Variants in CEP128 observed in about 807,000 individuals in gnomAD.
CEP128 encodes the protein centrosomal protein 128kDa.
A neutral mutation model predicts 156.7 loss-of-function variants in CEP128; 132 were observed. The ratio of observed to expected loss-of-function variants is 0.84; its 90% CI spans 0.73 to 0.97. The LOEUF (loss-of-function observed/expected upper bound fraction) is 0.97, where lower values mean the gene tolerates loss of function less well. CEP128 is among the 50% of genes least tolerant of loss of function. CEP128 has a pLI of 0.00. For missense variants in CEP128, 1,252 were observed against 1,281.9 expected (o/e 0.98, Z 0.36); for synonymous variants, 469 against 448.9 (o/e 1.04, Z -0.57).
intron 1 of CEP128, among the ~76,000 whole-genome samples, chr14:80,941,046 T>A (rs1030108941): frequency 6.6e-6 from 1 of 152,166 alleles, no homozygotes; most frequent in Admixed American, 6.5e-5. Flanking sequence ...ATGTCAGGTA[T>A]TTTTACGAAA....
intron 8 of CEP128, among the ~76,000 whole-genome samples, chr14:80,893,375 A>T (rs1889193779): frequency 2.0e-5 from 3 of 151,816 alleles, no homozygotes; most frequent in Admixed American, 1.3e-4. Context: ...GAGGATACAA[A>T]GTAGCTGATA....
At chr14:80,921,658 G>A (rs1884869022) in intron 2 of CEP128, among the ~76,000 whole-genome samples, 1 of 152,136 alleles carries the variant, frequency 6.6e-6, no homozygotes, top group African/African-American at 2.4e-5. Flanking sequence ...GGTTATAGCT[G>A]ATTTGTTTTT....
intron 19 of CEP128, among the ~76,000 whole-genome samples, chr14:80,647,237 C>T (rs1894702864): frequency 6.6e-6 from 1 of 151,174 alleles, no homozygotes; most frequent in Non-Finnish European, 1.5e-5. Flanking sequence ...TAAAAAATTC[C>T]TGTGCCTAAG....
chr14:80,848,556 G>A (rs914257870), intron 9 of CEP128, among the ~76,000 whole-genome samples: 5 of 152,016 alleles, frequency 3.3e-5, no homozygotes. Flanking sequence ...AACTATTCAG[G>A]AGGCTGAGGC....
At chr14:80,811,019 A>G (rs147331097) in intron 13 of CEP128, among the ~76,000 whole-genome samples, 336 of 152,208 alleles carry the variant, frequency 2.2e-3, no homozygotes, top group Non-Finnish European at 3.9e-3. Context: ...GTTCCCAATC[A>G]TAAGTGAGAA....
At chr14:80,785,664 A>G in intron 14 of CEP128, 119 bp from the exon 15 acceptor site, 1 of 722,992 alleles carries the variant, frequency 1.4e-6, no homozygotes, top group South Asian at 2.4e-5. Flanking sequence ...AATTCATCAA[A>G]TAATTTTTGT....
intron 8 of CEP128, among the ~76,000 whole-genome samples, chr14:80,870,999 G>A (rs897143880): frequency 2.8e-4 from 42 of 150,182 alleles, no homozygotes; most frequent in African/African-American, 9.3e-4. Flanking sequence ...CAAAAAATAC[G>A]AAGAAATAAA....
intron 2 of CEP128, among the ~76,000 whole-genome samples, chr14:80,932,658 A>G (rs925437623): frequency 6.6e-6 from 1 of 152,036 alleles, no homozygotes; most frequent in Non-Finnish European, 1.5e-5. Context: ...TAGTTGCAGG[A>G]AAAAAAAGCT....
intron 19 of CEP128, among the ~76,000 whole-genome samples, chr14:80,671,769 G>C (rs1274418950): frequency 6.6e-6 from 1 of 151,550 alleles, no homozygotes; most frequent in Non-Finnish European, 1.5e-5. Flanking sequence ...TGATTACAGA[G>C]GATGTTGCTT....
intron 19 of CEP128, among the ~76,000 whole-genome samples, chr14:80,615,215 A>C (rs2140615185): frequency 6.6e-6 from 1 of 152,336 alleles, no homozygotes; most frequent in Admixed American, 6.5e-5. Context: ...AACAGTATAG[A>C]AATGAAATTT....
intron 21 of CEP128, among the ~76,000 whole-genome samples, chr14:80,555,852 A>C (rs1354382685): frequency 6.6e-6 from 1 of 152,110 alleles, no homozygotes; most frequent in African/African-American, 2.4e-5. Context: ...TCTTTTCTTC[A>C]AAATAGCTTC....
intron 19 of CEP128, among the ~76,000 whole-genome samples, chr14:80,642,642 GTGAGACT>G (rs1172402178): frequency 3.9e-5 from 6 of 152,106 alleles, no homozygotes; most frequent in Admixed American, 3.9e-4. Context: ...TGGGCAACAG[GTGAGACT>G]CCATCTCTAA....
intron 20 of CEP128, among the ~76,000 whole-genome samples, chr14:80,564,410 G>A (rs1035937862): frequency 6.6e-6 from 1 of 152,186 alleles, no homozygotes; most frequent in African/African-American, 2.4e-5. Flanking sequence ...GAAGCCATAT[G>A]ATATAGGATT....
At chr14:80,796,946 G>A (rs963630489) in intron 13 of CEP128, among the ~76,000 whole-genome samples, 2 of 152,172 alleles carry the variant, frequency 1.3e-5, no homozygotes, top group African/African-American at 4.8e-5. Flanking sequence ...TGATGAGGGA[G>A]GATGGAAATG....
chr14:80,486,455 ATC>A (rs1184707037), downstream of CEP128, among the ~76,000 whole-genome samples: 2 of 152,036 alleles, frequency 1.3e-5, no homozygotes, highest in Non-Finnish European at 2.9e-5. Flanking sequence ...GCAGGATATT[ATC>A]CAGGAGAACT....
intron 19 of CEP128, among the ~76,000 whole-genome samples, chr14:80,612,868 A>G (rs548732019): frequency 1.9e-4 from 29 of 152,004 alleles, no homozygotes; most frequent in Non-Finnish European, 3.7e-4. Flanking sequence ...TGTTTTTTTC[A>G]TCTCGCTCTG....
At chr14:80,684,907 T>TA (rs1315859609) in intron 19 of CEP128, among the ~76,000 whole-genome samples, 24 of 152,086 alleles carry the variant, frequency 1.6e-4, no homozygotes, top group Admixed American at 2.6e-4. Context: ...CGCTTCATGA[T>TA]AAAAAACCCT....
intron 8 of CEP128, among the ~76,000 whole-genome samples, chr14:80,883,641 A>G (rs1219790245): frequency 6.6e-6 from 1 of 152,220 alleles, no homozygotes; most frequent in Non-Finnish European, 1.5e-5. Flanking sequence ...TAGAAGAATC[A>G]ATATTGTTAA....
chr14:80,672,401 A>G (rs1895880429), intron 19 of CEP128, among the ~76,000 whole-genome samples: 1 of 152,148 alleles, frequency 6.6e-6, no homozygotes, highest in Non-Finnish European at 1.5e-5. Flanking sequence ...GTATATTAAA[A>G]TACTAGTTGA....
Sources: allele counts gnomAD v4.1 joint callset (sites outside exome capture counted in the v4.1 genomes callset), GRCh38; gene constraint gnomAD v4.1.1; transcripts MANE v1.5; gene names NCBI Gene and HGNC (gene_info 2026-07-23, HGNC 2026-07-21).